Variants in KLHDC4 observed in about 807,000 individuals in gnomAD.
KLHDC4 encodes the protein kelch domain containing 4.
A neutral mutation model predicts 62.4 loss-of-function variants in KLHDC4; 90 were observed. That is an observed-to-expected ratio of 1.44 (90% CI 1.22 to 1.72). The LOEUF is 1.72. Ranked by LOEUF, KLHDC4 falls within the 40% of genes most tolerant of loss-of-function variation. KLHDC4 has a pLI of 0.00. For synonymous variants in KLHDC4, 386 were observed against 284.4 expected, an observed-to-expected ratio of 1.36 and a Z score of -3.59; for missense variants, 1,025 against 699.7, an observed-to-expected ratio of 1.47 and a Z score of -5.25.
rs74907385 is a variant in KLHDC4, at chr16:87,742,291, C to T, written c.506+6382G>A. Among the ~76,000 whole-genome samples, 613 of 152,294 alleles carry T rather than the reference C, an allele frequency of 4.0e-3. 3 individuals are homozygous for T. The highest frequency in any genetic ancestry group is 0.012 in the African/African-American group (499 of 41,556). ...GTACCATCCCCAGCTACACTAGCCC[C>T]TGACGATCCGGCCACATAGCACTCA... On this transcript the variant is annotated intron_variant, in intron 5 of 11. Coordinates refer to ENST00000270583, the MANE Select transcript of KLHDC4 (RefSeq NM_017566.4).
At position 87,714,406 on chromosome 16, in the gene KLHDC4, C is replaced by T. The variant is rs2036518155; in HGVS notation, c.835+92G>A. On this transcript the variant is annotated intron_variant, in intron 8 of 11. Coordinates refer to ENST00000270583, the MANE Select transcript of KLHDC4 (RefSeq NM_017566.4). Reference sequence around the variant, plus strand: ...GCTCCGGGCAGGGTGCAGGGGCTCACCGCCAGCCCCACATCCATGGGAGGG... The same window carrying T: ...GCTCCGGGCAGGGTGCAGGGGCTCATCGCCAGCCCCACATCCATGGGAGGG... The T allele has an allele frequency of 2.1e-5, 29 of 1,405,600 alleles. No homozygotes were observed. In the South Asian group the frequency reaches 3.5e-4, roughly 17 times the overall value. 87.1% of individuals were successfully genotyped at this position (1,405,600 alleles called of 1,614,324 possible).
intron 4 of KLHDC4, among the ~76,000 whole-genome samples, chr16:87,752,089 C>CAAAAAAAAAAAAAAAAA (rs1173625123): frequency 3.4e-5 from 1 of 29,468 alleles, no homozygotes; most frequent in African/African-American, 1.7e-4. Context: ...GACTTTGTCT[C>CAAAAAAAAAAAAAAAAA]AAAAAAAAAA....
intron 4 of KLHDC4, among the ~76,000 whole-genome samples, chr16:87,754,425 C>T (rs1305126687): frequency 2.0e-5 from 3 of 152,232 alleles, no homozygotes; most frequent in Non-Finnish European, 2.9e-5. Context: ...TGCATCTGCA[C>T]GGGATGTTCA....
chr16:87,754,371 G>A (rs1407404035), intron 4 of KLHDC4, among the ~76,000 whole-genome samples: 3 of 152,138 alleles, frequency 2.0e-5, no homozygotes, highest in Non-Finnish European at 4.4e-5. Flanking sequence ...AAATACAAGC[G>A]TATACAAATC....
chr16:87,762,916 C>T (rs774698363), intron 1 of KLHDC4, among the ~76,000 whole-genome samples: 4 of 152,142 alleles, frequency 2.6e-5, no homozygotes, highest in Non-Finnish European at 4.4e-5. Context: ...CCTCTCCAAC[C>T]TCACCTCCCA....
chr16:87,709,206 C>G, intron 10 of KLHDC4, 59 bp downstream of exon 10: 1 of 1,552,912 alleles, frequency 6.4e-7, no homozygotes, highest in South Asian at 1.2e-5. Context: ...TCGAGGGACG[C>G]GACACACGAC....
chr16:87,711,523 C>T (rs1411583359), intron 8 of KLHDC4, 80 bp from the exon 9 acceptor site: 2 of 1,241,246 alleles, frequency 1.6e-6, no homozygotes, highest in Non-Finnish European at 2.2e-6. Flanking sequence ...CTCAGGACCC[C>T]AGGTGCCCCC....
At chr16:87,719,178 G>A (rs2037734720) in intron 7 of KLHDC4, among the ~76,000 whole-genome samples, 2 of 152,274 alleles carry the variant, frequency 1.3e-5, no homozygotes, top group African/African-American at 4.8e-5. Flanking sequence ...GTACCCAACA[G>A]CTCATTGAGA....
chr16:87,732,773 A>G (rs535937089), intron 5 of KLHDC4, among the ~76,000 whole-genome samples: 21 of 142,520 alleles, frequency 1.5e-4, no homozygotes, highest in South Asian at 2.4e-4. Flanking sequence ...TTCTACAGGT[A>G]AAAAGGCAGG....
chr16:87,719,926 G>A (rs887670767), intron 7 of KLHDC4, among the ~76,000 whole-genome samples: 9 of 152,180 alleles, frequency 5.9e-5, no homozygotes, highest in African/African-American at 1.9e-4. Context: ...CACACGCCAA[G>A]TCCCAACGGG....
At chr16:87,754,962 T>C (rs550872004) in intron 4 of KLHDC4, among the ~76,000 whole-genome samples, 2 of 152,326 alleles carry the variant, frequency 1.3e-5, no homozygotes, top group East Asian at 3.9e-4. Flanking sequence ...CGAGCTATTT[T>C]ACATGGAATA....
At position 87,755,263 on chromosome 16, in the gene KLHDC4, G is replaced by A. The variant is rs753766017; in HGVS notation, c.300C>T (p.Tyr100=). Reference sequence around the variant, plus strand: ...TGGTCCAGGTGTCCTTTCTGGTATTGTAGACATAGAGCTCGTTATACAAAA... The same window carrying A: ...TGGTCCAGGTGTCCTTTCTGGTATTATAGACATAGAGCTCGTTATACAAAA... ...KTFLYNELYV[Y]NTRKDTWTKV... The change falls in exon 4 of 12, where the codon TAC becomes TAT. Residue 100 remains tyrosine (Y), a synonymous_variant. Transcript: ENST00000270583. 3.9e-5 allele frequency: 63 copies of A among 1,606,554 alleles called. No individual in the cohort carries two copies. Among genetic ancestry groups the A allele is most frequent in the Non-Finnish European group, 5.2e-5 (61 of 1,173,430 alleles).
chr16:87,750,515 CTTGTT>C (rs921546622), intron 4 of KLHDC4: 3 of 152,272 alleles, frequency 2.0e-5, no homozygotes, highest in Non-Finnish European at 4.4e-5. Context: ...ATAAAAGCCT[CTTGTT>C]TTATTTCCTC....
chr16:87,710,951 T>A (rs977307891), intron 9 of KLHDC4: 2 of 418,778 alleles, frequency 4.8e-6, no homozygotes, highest in Non-Finnish European at 8.8e-6. Context: ...CAGCAAACCC[T>A]TCTCACACAG....
At chr16:87,702,890 C>G (rs901892059), downstream of KLHDC4, 46 of 152,632 alleles carry the variant, frequency 3.0e-4, no homozygotes, top group African/African-American at 1.1e-3. Context: ...TACCCTGAGC[C>G]TTTTTTCTTT....
intron 5 of KLHDC4, among the ~76,000 whole-genome samples, chr16:87,731,711 G>C (rs761119324): frequency 3.3e-5 from 5 of 152,170 alleles, no homozygotes; most frequent in Non-Finnish European, 7.4e-5. Context: ...ATAAGACATG[G>C]ACTCAAGAGA....
At chr16:87,700,366 G>C (rs1316493406) in exon 1 of KLHDC4, 1 of 155,222 alleles carries the variant, frequency 6.4e-6, no homozygotes, top group Admixed American at 6.5e-5. Context: ...CAAGCTTCAG[G>C]ACATCATGAT....
intron 7 of KLHDC4, among the ~76,000 whole-genome samples, chr16:87,716,824 G>A (rs1348517296): frequency 2.0e-5 from 3 of 152,106 alleles, no homozygotes; most frequent in Non-Finnish European, 4.4e-5. Context: ...CCCAGCTACT[G>A]GGGAGGCTGA....
chr16:87,750,017 A>G (rs373430188), intron 4 of KLHDC4, among the ~76,000 whole-genome samples: 1 of 152,166 alleles, frequency 6.6e-6, no homozygotes, highest in Non-Finnish European at 1.5e-5. Context: ...CAGACCACCA[A>G]TCAAAAACAA....
Sources: allele counts gnomAD v4.1 joint callset (sites outside exome capture counted in the v4.1 genomes callset), GRCh38; gene constraint gnomAD v4.1.1; transcripts MANE v1.5; gene names NCBI Gene and HGNC (gene_info 2026-07-23, HGNC 2026-07-21).